RAPGEF5: variants seen among roughly 807,000 people sequenced by gnomAD.
RAPGEF5 encodes the protein Rap guanine nucleotide exchange factor 5, also known as M-Ras-regulated GEF.
In RAPGEF5, 65 loss-of-function variants were observed where a neutral mutation model predicts 125.2. The observed-to-expected ratio is 0.52, with a 90% confidence interval of 0.43 to 0.64. The LOEUF is 0.64. Ranked by LOEUF, RAPGEF5 falls within the 30% of genes least tolerant of loss-of-function variation. The probability of loss-of-function intolerance (pLI) is 0.00; values close to 1 mark genes in which losing one functional copy is unlikely to be tolerated. For missense variants in RAPGEF5, 958 were observed against 1,048.1 expected (o/e 0.91, Z 1.19); for synonymous variants, 391 against 385.9 (o/e 1.01, Z -0.16).
intron 8 of RAPGEF5, among the ~76,000 whole-genome samples, chr7:22,226,688 C>G (rs1354073630): frequency 6.6e-6 from 1 of 152,100 alleles, no homozygotes; most frequent in Non-Finnish European, 1.5e-5. Flanking sequence ...GTATGGGCCT[C>G]GAACACCATG....
chr7:22,309,957 C>T lies in RAPGEF5; in HGVS notation c.511+12G>A, dbSNP rs981763869. 3 of 1,563,456 alleles carry T rather than the reference C, an allele frequency of 1.9e-6. No homozygotes were observed. Among genetic ancestry groups the T allele is most frequent in the South Asian group, 2.5e-5 (2 of 81,506 alleles). ...AAATAATGATGCTGTGCCTTCAAGACATAATACTAACCTGATAACATAATT... is the reference window on the plus strand; with the variant it reads ...AAATAATGATGCTGTGCCTTCAAGATATAATACTAACCTGATAACATAATT... On this transcript the variant is annotated intron_variant, in intron 4 of 25. Coordinates refer to ENST00000665637, the MANE Select transcript of RAPGEF5 (RefSeq NM_012294.5).
At chr7:22,245,174 T>C (rs1464024862) in intron 7 of RAPGEF5, among the ~76,000 whole-genome samples, 1 of 152,212 alleles carries the variant, frequency 6.6e-6, no homozygotes, top group East Asian at 1.9e-4. Context: ...TTTCTTCCTA[T>C]CATGTTGTTT....
chr7:22,254,500 T>C (rs1786704286), intron 7 of RAPGEF5, among the ~76,000 whole-genome samples: 1 of 149,222 alleles, frequency 6.7e-6, no homozygotes, highest in African/African-American at 2.5e-5. Flanking sequence ...CCCAGTTACT[T>C]GGGAGGCTGA....
intron 1 of RAPGEF5, among the ~76,000 whole-genome samples, chr7:22,330,530 C>T (rs1478825300): frequency 6.6e-6 from 1 of 152,230 alleles, no homozygotes; most frequent in Non-Finnish European, 1.5e-5. Flanking sequence ...CTAGGCTCTG[C>T]CCAAGTTCCT....
intron 5 of RAPGEF5, among the ~76,000 whole-genome samples, chr7:22,299,346 T>A (rs965670397): frequency 6.6e-6 from 1 of 152,138 alleles, no homozygotes; most frequent in African/African-American, 2.4e-5. Context: ...TACTTCAAAG[T>A]ATGATGATTT....
chr7:22,330,309 T>C (rs909442626), intron 1 of RAPGEF5, among the ~76,000 whole-genome samples: 1 of 152,212 alleles, frequency 6.6e-6, no homozygotes, highest in East Asian at 1.9e-4. Flanking sequence ...GCTCCCTTTC[T>C]GCCCAGTGAA....
At chr7:22,313,627 T>A (rs13225921) in intron 3 of RAPGEF5, among the ~76,000 whole-genome samples, 24,633 of 152,164 alleles carry the variant, frequency 0.16, 2,649 homozygotes, top group East Asian at 0.56. Flanking sequence ...TTAATGTTCA[T>A]CTCCCAATCC....
intron 14 of RAPGEF5, among the ~76,000 whole-genome samples, chr7:22,158,704 C>T (rs1783890856): frequency 1.5e-4 from 1 of 6,886 alleles, no homozygotes; most frequent in South Asian, 4.3e-3. Flanking sequence ...CTCTTCACTG[C>T]AGCCTTGACC....
chr7:22,314,726 T>G, intron 3 of RAPGEF5: 2 of 640,092 alleles, frequency 3.1e-6, no homozygotes, highest in Non-Finnish European at 3.9e-6. Context: ...CTTAATATCT[T>G]TATCTGGCAA....
rs371315932 is a variant in RAPGEF5 at position 22,145,183 on chromosome 7, C to T, written c.2047G>A (p.Gly683Arg). Residue 683 changes from glycine (G) to arginine (R), a missense_variant, in exon 20 of 26, where the codon GGG (glycine) becomes AGG (arginine). Transcript: ENST00000665637. ...IYFTFSRQGS[G>R]EHTANLSLLL... ...AGGCTGAGATTTGCAGTGTGTTCCC[C>T]ACTTCCCTGTCTGCTGAACGTGAAG... The T allele has an allele frequency of 3.0e-5, 49 of 1,613,246 alleles. No individual in the cohort carries two copies. The African/African-American group carries it at 4.9e-4, about 16-fold the overall frequency.
intron 1 of RAPGEF5, among the ~76,000 whole-genome samples, chr7:22,334,397 C>T (rs1049371830): frequency 1.3e-5 from 2 of 152,168 alleles, no homozygotes; most frequent in African/African-American, 2.4e-5. Context: ...AAAATGTAGA[C>T]ATTGAGGTCT....
chr7:22,248,106 CTT>C (rs1007484853), intron 7 of RAPGEF5, among the ~76,000 whole-genome samples: 7 of 152,142 alleles, frequency 4.6e-5, no homozygotes, highest in African/African-American at 1.7e-4. Context: ...CACGTGTACC[CTT>C]TGACTCTAAA....
intron 21 of RAPGEF5, among the ~76,000 whole-genome samples, chr7:22,137,844 A>G (rs569209112): frequency 2.6e-5 from 4 of 152,114 alleles, no homozygotes; most frequent in Non-Finnish European, 5.9e-5. Context: ...ATAAGAAGAT[A>G]TTTCTGGGAT....
Position 22,260,566 on chromosome 7 carries a change from T to A in RAPGEF5, c.796+6398A>T, listed in dbSNP as rs78191142. On this transcript the variant is annotated intron_variant, in intron 7 of 25. Coordinates refer to ENST00000665637, the MANE Select transcript of RAPGEF5 (RefSeq NM_012294.5). Reference sequence around the variant, plus strand: ...AAAAAAAGATATTACAAAAAATAGTTCATTTACAACAGTAATCAAAACTAC... The same window carrying A: ...AAAAAAAGATATTACAAAAAATAGTACATTTACAACAGTAATCAAAACTAC... Among the ~76,000 whole-genome samples, 462 of 150,404 alleles carry A rather than the reference T, an allele frequency of 3.1e-3. 7 individuals are homozygous for A. The East Asian group carries it at 0.071, about 23-fold the overall frequency.
chr7:22,136,193 C>T (rs1783075366), intron 22 of RAPGEF5, 68 bp from the exon 23 acceptor site: 5 of 1,172,658 alleles, frequency 4.3e-6, no homozygotes, highest in Non-Finnish European at 4.9e-6. Flanking sequence ...TCTAAATCCA[C>T]CTTTGCTACA....
intron 13 of RAPGEF5, among the ~76,000 whole-genome samples, chr7:22,162,099 T>C (rs115374829): frequency 0.014 from 2,110 of 152,326 alleles, 64 homozygotes; most frequent in African/African-American, 0.048. Context: ...ATATTACATA[T>C]AGAGGACTGG....
At position 22,138,283 on chromosome 7, in the gene RAPGEF5, T is replaced by G. The variant is rs10240074; in HGVS notation, c.2278-1300A>C. On this transcript the variant is annotated intron_variant, in intron 21 of 25. Transcript: ENST00000665637. ...CTACTTTTAGGAGGTCAAGTTTTAT[T>G]GGATTGCTGCCACGCCCCTTCATTC... is the stretch of plus-strand genomic sequence containing the variant. 4.8e-3 allele frequency among the ~76,000 whole-genome samples: 728 copies of G among 152,290 alleles called. 6 individuals are homozygous for G. The highest frequency in any genetic ancestry group is 0.017 in the African/African-American group (700 of 41,544).
intron 6 of RAPGEF5, among the ~76,000 whole-genome samples, chr7:22,272,971 G>T (rs1782470413): frequency 6.6e-6 from 1 of 151,522 alleles, no homozygotes; most frequent in Non-Finnish European, 1.5e-5. Context: ...TGTTGTCCAG[G>T]CTGATCTTGA....
chr7:22,120,721 C>G lies in RAPGEF5; in HGVS notation c.*1685G>C, dbSNP rs909423252. The stretch of plus-strand genomic sequence containing the variant: ...CTGGAGGATGCCCTTCTATAAAACC[C>G]TATAAATGTTCAGGACTGAAGTTTT... On this transcript the variant is annotated 3_prime_UTR_variant, in exon 26 of 26. Coordinates refer to ENST00000665637, the MANE Select transcript of RAPGEF5 (RefSeq NM_012294.5). The surrounding 1 kb of genome is among the most constrained non-coding windows in gnomAD (Gnocchi z 4.0). The G allele has an allele frequency of 3.3e-5, 5 of 152,298 alleles. No individual in the cohort carries two copies. Among genetic ancestry groups the G allele is most frequent in the African/African-American group, 9.7e-5 (4 of 41,420 alleles). The allele number at this position is 152,298 out of a possible 1,614,324, so 9.4% of individuals were successfully genotyped here. A position where few individuals can be genotyped will look rare whatever the true frequency, so the allele number is the denominator to read the frequency against.
Sources: gnomAD v4.1 joint callset for allele counts (sites outside exome capture counted in the v4.1 genomes callset) on GRCh38, gnomAD v4.1.1 for gene constraint, Gnocchi (gnomAD v3.1) non-coding constraint, MANE v1.5 for transcripts, NCBI Gene and HGNC (gene_info 2026-07-23, HGNC 2026-07-21) for gene names.